CDYL2: variants seen among roughly 807,000 people sequenced by gnomAD.
CDYL2 encodes the protein chromodomain Y like 2.
CDYL2 carries 23 observed loss-of-function variants against 49.4 expected under a neutral mutation model. The observed-to-expected ratio is 0.47, with a 90% CI of 0.34 to 0.66. The LOEUF (loss-of-function observed/expected upper bound fraction) is 0.66. Among genes scored for constraint, CDYL2 ranks in the 30% least tolerant of loss-of-function variants. CDYL2 has a pLI of 0.01. For missense variants in CDYL2, 678 were observed against 656.4 expected, an observed-to-expected ratio of 1.03 and a Z score of -0.36; for synonymous variants, 360 against 268.8, an observed-to-expected ratio of 1.34 and a Z score of -3.32.
intron 2 of CDYL2, among the ~76,000 whole-genome samples, chr16:80,633,919 A>G (rs1385118262): frequency 6.6e-6 from 1 of 152,230 alleles, no homozygotes; most frequent in Admixed American, 6.5e-5. Flanking sequence ...ATCCAGATGT[A>G]TAACGGTTCC....
intron 1 of CDYL2, among the ~76,000 whole-genome samples, chr16:80,758,744 G>C (rs923861995): frequency 6.6e-6 from 1 of 151,594 alleles, no homozygotes; most frequent in Non-Finnish European, 1.5e-5. Context: ...GGGTTTCACC[G>C]TGTTAGCCAG....
At chr16:80,635,476 G>T (rs1056315211) in intron 2 of CDYL2, among the ~76,000 whole-genome samples, 1 of 152,122 alleles carries the variant, frequency 6.6e-6, no homozygotes, top group African/African-American at 2.4e-5. Context: ...GCTACAAAGA[G>T]AATAAAATAC....
At chr16:80,724,892 G>A (rs934935683) in intron 1 of CDYL2, among the ~76,000 whole-genome samples, 1 of 152,166 alleles carries the variant, frequency 6.6e-6, no homozygotes, top group African/African-American at 2.4e-5. Context: ...GGGTGGCCAG[G>A]GGAATCTTTT....
At chr16:80,759,102 C>CTATATATATATATATA (rs59240300) in intron 1 of CDYL2, among the ~76,000 whole-genome samples, 67 of 63,340 alleles carry the variant, frequency 1.1e-3, no homozygotes, top group African/African-American at 1.7e-3. Context: ...AAACCATATA[C>CTATATATATATATATA]TATATATATA....
rs191431400 is a variant in CDYL2 at position 80,612,147 on chromosome 16, C to T, written c.1218+479G>A. Among the ~76,000 whole-genome samples the T allele has an allele frequency of 3.9e-5, 6 of 152,316 alleles. No homozygotes were observed. Among genetic ancestry groups the T allele is most frequent in the African/African-American group, 1.2e-4 (5 of 41,578 alleles). On this transcript the variant is annotated intron_variant, in intron 5 of 6. Transcript: ENST00000570137. This position sits in a 1 kb window ranked among gnomAD's most constrained non-coding sequence, Gnocchi z 5.0. ...TGAGTGGAGGGGAAGACGCCCCTGC[C>T]GGCCTGGCCCATGAAGCCCTCCAGG... is the stretch of plus-strand genomic sequence containing the variant.
At chr16:80,781,977 A>G (rs995171853) in intron 1 of CDYL2, among the ~76,000 whole-genome samples, 1 of 152,030 alleles carries the variant, frequency 6.6e-6, no homozygotes, top group African/African-American at 2.4e-5. Context: ...ACCTAACTGC[A>G]TATCTTGAGT....
At chr16:80,789,655 G>C (rs193048086) in intron 1 of CDYL2, among the ~76,000 whole-genome samples, 1 of 151,834 alleles carries the variant, frequency 6.6e-6, no homozygotes, top group African/African-American at 2.4e-5. Context: ...CAAGAGCAAA[G>C]TCATGAAACC....
intron 4 of CDYL2, among the ~76,000 whole-genome samples, chr16:80,614,615 C>T (rs1042224580): frequency 2.6e-5 from 4 of 152,164 alleles, no homozygotes; most frequent in Non-Finnish European, 2.9e-5. Context: ...CCTGTAATCC[C>T]AGCAGTGTGG....
At chr16:80,702,183 A>AACACACACACACAC (rs35071485) in intron 1 of CDYL2, among the ~76,000 whole-genome samples, 108 of 142,858 alleles carry the variant, frequency 7.6e-4, no homozygotes, top group African/African-American at 2.6e-3. Context: ...GAAGGCCTAA[A>AACACACACACACAC]ACACACACAC....
intron 1 of CDYL2, among the ~76,000 whole-genome samples, chr16:80,770,869 T>C (rs981593601): frequency 6.6e-6 from 1 of 152,144 alleles, no homozygotes; most frequent in African/African-American, 2.4e-5. Context: ...AATTAAACGA[T>C]TAGACAGCCA....
intron 1 of CDYL2, among the ~76,000 whole-genome samples, chr16:80,728,103 T>C (rs1597102700): frequency 6.6e-6 from 1 of 152,320 alleles, no homozygotes; most frequent in African/African-American, 2.4e-5. Flanking sequence ...GGATGGGGAA[T>C]GACTTTGACG....
At chr16:80,621,062 T>C (rs905546784) in intron 3 of CDYL2, 127 bp from the exon 4 acceptor site, 84 of 1,060,474 alleles carry the variant, frequency 7.9e-5, no homozygotes, top group Non-Finnish European at 9.4e-5. Context: ...CTTCTGCCTG[T>C]GCAGGGAGCC....
intron 1 of CDYL2, among the ~76,000 whole-genome samples, chr16:80,718,504 C>T (rs1377468947): frequency 6.6e-6 from 1 of 152,106 alleles, no homozygotes; most frequent in African/African-American, 2.4e-5. Context: ...CCAAGCCTGC[C>T]CACTCTGATG....
In CDYL2 at chr16:80,736,488, T is replaced by A; in HGVS notation, c.25-51359A>T. ...AGCTGAACCCCCAGTCTCTTGAATA[T>A]GAGGGGAAGCTGGGAAGATATCAAC... On this transcript the variant is annotated intron_variant, in intron 1 of 6. Coordinates refer to ENST00000570137, the MANE Select transcript of CDYL2 (RefSeq NM_152342.4). 3 of 152,282 alleles carry A rather than the reference T, an allele frequency of 2.0e-5. 1 individual carries two copies. In the Middle Eastern group the frequency reaches 0.01, roughly 522 times the overall value. The allele number at this position is 152,282 out of a possible 1,614,324, so 9.4% of individuals were successfully genotyped here.
chr16:80,727,908 C>G (rs899363559), intron 1 of CDYL2, among the ~76,000 whole-genome samples: 6 of 152,292 alleles, frequency 3.9e-5, no homozygotes, highest in Non-Finnish European at 8.8e-5. Flanking sequence ...AGAAGGAAAA[C>G]TAACAAACAG....
At chr16:80,644,852 G>A (rs942641925) in intron 2 of CDYL2, among the ~76,000 whole-genome samples, 6 of 151,810 alleles carry the variant, frequency 4.0e-5, no homozygotes, top group African/African-American at 1.4e-4. Flanking sequence ...ACAACCATCT[G>A]ATCTTTGACA....
In CDYL2 at chr16:80,684,634, A is replaced by T; in HGVS notation, c.520T>A (p.Ser174Thr). ...EKDERHFGNG[S>T]HQPGLDLNDH... Reference sequence around the variant, plus strand: ...TTCAAATCCAAGCCAGGCTGATGGGACCCATTTCCAAAGTGCCTCTCATCC... The same window carrying T: ...TTCAAATCCAAGCCAGGCTGATGGGTCCCATTTCCAAAGTGCCTCTCATCC... The change falls in exon 2 of 7, where the codon TCC becomes ACC. Residue 174 changes from serine (S) to threonine (T), a missense_variant. By Grantham distance (58) the Ser-to-Thr change is moderately conservative. Around this residue, in one of 3 missense-constraint regions of CDYL2, gnomAD observed 478 missense variants for 427.0 expected, o/e 1.12. Transcript: ENST00000570137. 2.5e-6 allele frequency: 4 copies of T among 1,614,088 alleles called. No individual in the cohort carries two copies. The highest frequency in any genetic ancestry group is 3.4e-6 in the Non-Finnish European group (4 of 1,180,014).
chr16:80,633,976 T>C (rs1907695997), intron 2 of CDYL2, among the ~76,000 whole-genome samples: 1 of 151,530 alleles, frequency 6.6e-6, no homozygotes, highest in Admixed American at 6.6e-5. Flanking sequence ...TGGGATGTGC[T>C]AAAGAAAGCA....
At chr16:80,779,270 A>G (rs1461502404) in intron 1 of CDYL2, among the ~76,000 whole-genome samples, 2 of 152,146 alleles carry the variant, frequency 1.3e-5, no homozygotes, top group Admixed American at 6.5e-5. Context: ...TGTATGTGAC[A>G]GACAAGAATT....
Sources: gnomAD v4.1 joint callset for allele counts (sites outside exome capture counted in the v4.1 genomes callset) on GRCh38, gnomAD v4.1.1 for gene constraint, gnomAD v4.1.1 regional missense constraint, Gnocchi (gnomAD v3.1) non-coding constraint, MANE v1.5 for transcripts, NCBI Gene and HGNC (gene_info 2026-07-23, HGNC 2026-07-21) for gene names.